The following DNAH3 variants were observed in gnomAD, a reference collection of about 807,000 sequenced individuals.
DNAH3 encodes the protein dynein axonemal heavy chain 3, also known as axonemal beta dynein heavy chain 3.
A neutral mutation model predicts 432.5 loss-of-function variants in DNAH3; 332 were observed. That is an observed-to-expected ratio of 0.77 (90% CI 0.70 to 0.84). The LOEUF is 0.84. Among genes scored for constraint, DNAH3 ranks in the 40% least tolerant of loss-of-function variants. The pLI is 0.00. For missense variants in DNAH3, 4,861 were observed against 5,114.0 expected, an observed-to-expected ratio of 0.95 and a Z score of 1.51; for synonymous variants, 1,956 against 1,900.2, an observed-to-expected ratio of 1.03 and a Z score of -0.76.
chr16:20,959,619 A>G (rs963835644), intron 53 of DNAH3, among the ~76,000 whole-genome samples: 1 of 100,714 alleles, frequency 9.9e-6, no homozygotes, highest in Non-Finnish European at 2.3e-5. Flanking sequence ...AAACACACAC[A>G]CACACACACA....
chr16:20,943,877 G>A lies in DNAH3; in HGVS notation c.11511+619C>T, dbSNP rs576554799. Reference sequence around the variant, plus strand: ...CATGTGCTTGTAGTCCCAGCTACTCGGGAGGCTGAGGCAGGAGAATTGCTT... The same window carrying A: ...CATGTGCTTGTAGTCCCAGCTACTCAGGAGGCTGAGGCAGGAGAATTGCTT... On this transcript the variant is annotated intron_variant, in intron 58 of 61. Transcript: ENST00000261383. Among the ~76,000 whole-genome samples the A allele has an allele frequency of 6.5e-4, 99 of 152,126 alleles. 1 individual carries two copies. Among genetic ancestry groups the A allele is most frequent in the South Asian group, 1.2e-3 (6 of 4,814 alleles).
intron 9 of DNAH3, among the ~76,000 whole-genome samples, chr16:21,124,003 G>A (rs1174738868): frequency 6.6e-6 from 1 of 152,110 alleles, no homozygotes. Context: ...AGTCGACCAG[G>A]CTGGTCTCAA....
At chr16:21,047,231 A>G (rs928688202) in intron 31 of DNAH3, among the ~76,000 whole-genome samples, 12 of 147,530 alleles carry the variant, frequency 8.1e-5, no homozygotes, top group Admixed American at 6.8e-4. Context: ...CTGCCTTGCT[A>G]GATTGGGGAA....
chr16:21,154,448 C>T (rs549440703), intron 1 of DNAH3, among the ~76,000 whole-genome samples: 2 of 152,042 alleles, frequency 1.3e-5, no homozygotes, highest in East Asian at 1.9e-4. Context: ...AGCTAATGGA[C>T]CCTATGGCCT....
intron 1 of DNAH3, among the ~76,000 whole-genome samples, chr16:21,157,317 T>C (rs1261057214): frequency 1.3e-5 from 2 of 148,354 alleles, no homozygotes; most frequent in Non-Finnish European, 3.0e-5. Context: ...CAGTCCTCAC[T>C]ACAACCCTGT....
In DNAH3 at chr16:21,024,067, C is replaced by T. The variant is rs76496677; in HGVS notation, c.5646+529G>A. Among the ~76,000 whole-genome samples the T allele has an allele frequency of 3.3e-3, 508 of 152,134 alleles. 5 individuals are homozygous for T. The highest frequency in any genetic ancestry group is 0.012 in the African/African-American group (480 of 41,498). On this transcript the variant is annotated intron_variant, in intron 39 of 61. Transcript: ENST00000261383. ...CCGGGTCTGAGAGTGTGGTCAGGTA[C>T]CCGCCTAACCCGAACTTTCCCACCT... is the stretch of plus-strand genomic sequence containing the variant.
At position 21,136,513 on chromosome 16, in the gene DNAH3, T is replaced by C. The variant is rs745356419; in HGVS notation, c.697A>G (p.Arg233Gly). The stretch of plus-strand genomic sequence containing the variant: ...CCATTGGTCAGATAGTAATAGTATC[T>C]CTTCCATAAACAAACCACCAGCGAG... Residue 233 changes from arginine to glycine, a missense_variant and splice_region_variant, in exon 6 of 62, where the codon AGA becomes GGA. Arg to Gly is a moderately radical substitution (Grantham distance 125, BLOSUM62 -2). Transcript: ENST00000261383. The C allele has an allele frequency of 3.1e-6, 5 of 1,614,074 alleles. No individual in the cohort carries two copies. The South Asian group carries it at 4.4e-5, about 14-fold the overall frequency.
intron 52 of DNAH3, among the ~76,000 whole-genome samples, chr16:20,968,656 CTTTCTT>C (rs1468327270): frequency 6.6e-6 from 1 of 150,782 alleles, no homozygotes; most frequent in Non-Finnish European, 1.5e-5. Context: ...TCCTCTTTCT[CTTTCTT>C]TGTTCATCTG....
intron 8 of DNAH3, 71 bp from the exon 10 acceptor site, chr16:21,125,441 T>G: frequency 7.5e-7 from 1 of 1,331,858 alleles, no homozygotes; most frequent in Non-Finnish European, 1.0e-6. Flanking sequence ...CCGTGCCCCC[T>G]GAGCTCAGTG....
At chr16:21,102,419 C>T (rs905988155) in intron 16 of DNAH3, among the ~76,000 whole-genome samples, 3 of 152,144 alleles carry the variant, frequency 2.0e-5, no homozygotes, top group African/African-American at 4.8e-5. Flanking sequence ...AGTTGAGAAG[C>T]GTTTTTCTCC....
rs981996244 is a variant in DNAH3, at chr16:21,131,171, T to C, written c.1082+3088A>G. On this transcript the variant is annotated intron_variant, in intron 7 of 61. Transcript: ENST00000261383. ...AAGCAACCTAGAGAGACCCTGTTTC[T>C]ACAAAAAATGTAAAAATTAGTCAGA... Among the ~76,000 whole-genome samples the C allele has an allele frequency of 5.3e-5, 8 of 152,054 alleles. No individual in the cohort carries two copies. In the East Asian group the frequency reaches 1.5e-3, roughly 29 times the overall value.
chr16:21,048,206 A>T (rs1294511539), intron 31 of DNAH3, among the ~76,000 whole-genome samples: 1 of 152,234 alleles, frequency 6.6e-6, no homozygotes, highest in East Asian at 1.9e-4. Context: ...GGCTCCACCC[A>T]GTTCGAGCTT....
chr16:21,004,165 T>C (rs117137134), intron 41 of DNAH3, among the ~76,000 whole-genome samples: 2,124 of 152,292 alleles, frequency 0.014, 18 homozygotes, highest in Non-Finnish European at 0.022. Flanking sequence ...TTATAAGTCA[T>C]TTAATGTTAT....
chr16:21,104,473 T>C, exon 16 of DNAH3: 1 of 1,613,690 alleles, frequency 6.2e-7, no homozygotes, highest in Non-Finnish European at 8.5e-7. Context: ...CCCGGTACCT[T>C]TTAATCAGAT....
At chr16:20,936,279 G>C (rs1258328366) in intron 60 of DNAH3, among the ~76,000 whole-genome samples, 1 of 151,780 alleles carries the variant, frequency 6.6e-6, no homozygotes, top group Non-Finnish European at 1.5e-5. Flanking sequence ...CAGCCTCCCA[G>C]GTAGCTGAGA....
intron 44 of DNAH3, 23 bp from the exon 45 acceptor site, chr16:20,988,088 G>GA: frequency 6.2e-7 from 1 of 1,612,728 alleles, no homozygotes; most frequent in Non-Finnish European, 8.5e-7. Flanking sequence ...ACACACAAGT[G>GA]AATCATCCTG....
chr16:21,062,746 G>C, intron 24 of DNAH3, 63 bp from the exon 25 acceptor site: 1 of 1,372,936 alleles, frequency 7.3e-7, no homozygotes, highest in South Asian at 1.3e-5. Flanking sequence ...CTAGCAAGGT[G>C]ATACTTTCTG....
At chr16:20,996,220 GATAAT>G (rs916342817) in intron 44 of DNAH3, among the ~76,000 whole-genome samples, 1 of 152,092 alleles carries the variant, frequency 6.6e-6, no homozygotes, top group Non-Finnish European at 1.5e-5. Flanking sequence ...AAATCATGTA[GATAAT>G]ATAATACATA....
At chr16:21,139,769 C>G (rs1160048877) in intron 5 of DNAH3, among the ~76,000 whole-genome samples, 1 of 137,610 alleles carries the variant, frequency 7.3e-6, no homozygotes, top group South Asian at 2.5e-4. Flanking sequence ...TGCCCAGCCA[C>G]CTCATTCTTT....
Sources: gnomAD v4.1 joint callset for allele counts (sites outside exome capture counted in the v4.1 genomes callset) on GRCh38, gnomAD v4.1.1 for gene constraint, MANE v1.5 for transcripts, NCBI Gene and HGNC (gene_info 2026-07-23, HGNC 2026-07-21) for gene names.